The following UGT1A3 variants were observed in gnomAD, a reference collection of about 807,000 sequenced individuals.
UGT1A3 encodes the protein UDP-glucuronosyltransferase 1A3.
Under a neutral mutation model 41.0 loss-of-function variants are expected in UGT1A3, and 31 were observed. The ratio of observed to expected loss-of-function variants is 0.76; its 90% CI spans 0.57 to 1.02. The LOEUF (loss-of-function observed/expected upper bound fraction) is 1.02, where lower values mean the gene tolerates loss of function less well. UGT1A3 is among the 50% of genes least tolerant of loss of function. The pLI is 0.00. For missense variants in UGT1A3, 737 were observed against 671.0 expected, an observed-to-expected ratio of 1.10 and a Z score of -1.09; for synonymous variants, 262 against 257.6, an observed-to-expected ratio of 1.02 and a Z score of -0.17.
chr2:233,762,588 C>T lies in UGT1A3; in HGVS notation c.868-4446C>T, dbSNP rs557401720. On this transcript the variant is annotated intron_variant, in intron 1 of 4. Coordinates refer to ENST00000482026, the MANE Select transcript of UGT1A3 (RefSeq NM_019093.4). ...TCTAGTTCCCCACAGAGGAACATTA[C>T]AATTTGTATTCCAGGAGTTTTGTTG... is the stretch of plus-strand genomic sequence containing the variant. Among the ~76,000 whole-genome samples, 47 of 152,302 alleles carry T rather than the reference C, an allele frequency of 3.1e-4. No individual in the cohort carries two copies. In the Middle Eastern group the frequency reaches 0.014, roughly 44 times the overall value.
intron 1 of UGT1A3, among the ~76,000 whole-genome samples, chr2:233,745,386 T>C (rs765197385): frequency 3.3e-5 from 5 of 151,842 alleles, no homozygotes; most frequent in Non-Finnish European, 7.4e-5. Flanking sequence ...TTCACCTCCT[T>C]ATTCTCTTTT....
At chr2:233,761,149 C>G (rs1575779799) in intron 1 of UGT1A3, 1 of 1,614,176 alleles carries the variant, frequency 6.2e-7, no homozygotes, top group East Asian at 2.2e-5. Context: ...TCCACTATCC[C>G]AGGTGTGTAT....
At chr2:233,735,331 C>A (rs2078638880) in intron 1 of UGT1A3, among the ~76,000 whole-genome samples, 1 of 152,064 alleles carries the variant, frequency 6.6e-6, no homozygotes, top group Non-Finnish European at 1.5e-5. Context: ...AGGATTGCAA[C>A]CCCTGCTTTT....
chr2:233,772,899 G>A lies in UGT1A3; in HGVS notation c.*340G>A, dbSNP rs1167184820. 6 of 428,920 alleles carry A rather than the reference G, an allele frequency of 1.4e-5. No homozygotes were observed. The highest frequency in any genetic ancestry group is 8.2e-5 in the African/African-American group (4 of 48,988). 26.6% of individuals were successfully genotyped at this position (428,920 alleles called of 1,614,324 possible). ...TGCGGGATTCAAAGGTGGTCCCACG[G>A]CTGCCCCTACTGCAAATGGCAGTTT... is the stretch of plus-strand genomic sequence containing the variant. On this transcript the variant is annotated 3_prime_UTR_variant, in exon 5 of 5. Coordinates refer to ENST00000482026, the MANE Select transcript of UGT1A3 (RefSeq NM_019093.4).
rs1456497728 is a variant in UGT1A3 at position 233,729,432 on chromosome 2, AAC to A, written c.308_309del (p.Thr103ArgfsTer23). ...TGGGCCACACTCAACTGTACTTTGA[AAC>A]AGAACATTTTCTGAAGAAATTTTTC... The part of the protein sequence containing the change: ...VLGHTQLYFE[T>X]EHFLKKFFRS... On this transcript the variant is annotated frameshift_variant, in exon 1 of 5. Coordinates refer to ENST00000482026, the MANE Select transcript of UGT1A3 (RefSeq NM_019093.4). LOFTEE classifies it high-confidence loss of function. 6.2e-7 allele frequency: 1 copy of A among 1,613,916 alleles called. No individual in the cohort carries two copies. Among genetic ancestry groups the A allele is most frequent in the East Asian group, 2.2e-5 (1 of 44,888 alleles).
intron 4 of UGT1A3, 143 bp downstream of exon 4, chr2:233,768,582 CTTTTTTTTTTTTT>C (rs139595073): frequency 1.1e-5 from 11 of 1,033,176 alleles, no homozygotes; most frequent in Non-Finnish European, 9.8e-6. Context: ...TTTATTTCTT[CTTTTTTTTTTTTT>C]TTTTTTTTTG....
intron 1 of UGT1A3, chr2:233,747,358 G>A (rs1172361388): frequency 8.7e-6 from 14 of 1,603,108 alleles, no homozygotes; most frequent in Middle Eastern, 1.7e-4. Flanking sequence ...GAGGCCGTGC[G>A]GGAGCTCCAT....
chr2:233,741,352 A>G (rs1236663413), intron 1 of UGT1A3, among the ~76,000 whole-genome samples: 1 of 151,742 alleles, frequency 6.6e-6, no homozygotes, highest in African/African-American at 2.4e-5. Context: ...TCCAACACAC[A>G]AAACCACAAT....
In UGT1A3 at chr2:233,729,266, T is replaced by A. The variant is rs6431625; in HGVS notation, c.140T>A (p.Val47Asp). The A allele has an allele frequency of 1.2e-6, 2 of 1,613,820 alleles. No homozygotes were observed. The highest frequency in any genetic ancestry group is 4.5e-5 in the East Asian group (2 of 44,882). The change falls in exon 1 of 5, where the codon GTC becomes GAC. Residue 47 changes from valine (V) to aspartate (D), a missense_variant. Transcript: ENST00000482026. ...DGSHWLSMRE[V>D]LRELHARGHQ... The stretch of plus-strand genomic sequence containing the variant: ...AGCCACTGGCTCAGCATGCGGGAGG[T>A]CTTGCGGGAGCTCCATGCCAGAGGC...
chr2:233,768,319 G>T lies in UGT1A3; in HGVS notation c.1187G>T (p.Gly396Val), dbSNP rs367897068. 5.0e-6 allele frequency: 8 copies of T among 1,614,044 alleles called. No homozygotes were observed. Among genetic ancestry groups the T allele is most frequent in the South Asian group, 1.1e-5 (1 of 91,084 alleles). The change falls in exon 4 of 5, where the codon GGT becomes GTT. Residue 396 changes from glycine to valine, a missense_variant. Gly to Val is a moderately radical substitution (Grantham distance 109, BLOSUM62 -3). Transcript: ENST00000482026. The stretch of plus-strand genomic sequence containing the variant: ...CCCATGGTGATGATGCCCTTGTTTG[G>T]TGATCAGATGGACAATGCAAAGCGC... ...GVPMVMMPLFGDQMDNAKRME... is the reference protein window; with the variant it reads ...GVPMVMMPLFVDQMDNAKRME...
Position 233,742,959 on chromosome 2 carries a change from T to C in UGT1A3, c.867+12966T>C, listed in dbSNP as rs191993803. ...TCCTACCACTAGCAAATAATCATTG[T>C]CTGCCTCAGGCTTAAGTTTAATAAA... is the stretch of plus-strand genomic sequence containing the variant. On this transcript the variant is annotated intron_variant, in intron 1 of 4. Coordinates refer to ENST00000482026, the MANE Select transcript of UGT1A3 (RefSeq NM_019093.4). 2.6e-4 allele frequency: 57 copies of C among 217,402 alleles called. No individual in the cohort carries two copies. In the East Asian group the frequency reaches 5.8e-3, roughly 22 times the overall value. The allele number at this position is 217,402 out of a possible 1,614,324, so 13.5% of individuals were successfully genotyped here.
chr2:233,768,568 G>A, intron 4 of UGT1A3, 129 bp downstream of exon 4: 1 of 1,402,764 alleles, frequency 7.1e-7, no homozygotes, highest in Non-Finnish European at 9.3e-7. Context: ...TAAAAATCTG[G>A]ATTTTTATTT....
In UGT1A3 at chr2:233,741,861, A is replaced by T. The variant is rs1406457842; in HGVS notation, c.867+11868A>T. On this transcript the variant is annotated intron_variant, in intron 1 of 4. Transcript: ENST00000482026. ...GCCTTTTGCTCTCATGCCTTATGCA[A>T]ACCTTTCCTCAGAGGTGACCCTAGA... The T allele has an allele frequency of 2.6e-5, 4 of 151,886 alleles. No individual in the cohort carries two copies. The East Asian group carries it at 7.7e-4, about 29-fold the overall frequency. The allele number at this position is 151,886 out of a possible 1,614,324, so 9.4% of individuals were successfully genotyped here.
chr2:233,760,182 T>C lies in UGT1A3; in HGVS notation c.868-6852T>C, dbSNP rs34547608. The C allele has an allele frequency of 4.0e-3, 6,144 of 1,550,378 alleles. 201 individuals are homozygous for C. The African/African-American group carries it at 0.074, about 19-fold the overall frequency. Reference sequence around the variant, plus strand: ...ACCTTTGTGGACTGACAGCTTTTTATAGTCACGTGACACAGTCAAACATTA... The same window carrying C: ...ACCTTTGTGGACTGACAGCTTTTTACAGTCACGTGACACAGTCAAACATTA... On this transcript the variant is annotated intron_variant, in intron 1 of 4. Transcript: ENST00000482026.
At position 233,767,873 on chromosome 2, in the gene UGT1A3, C is replaced by T. The variant is rs72551349; in HGVS notation, c.1024C>T (p.Arg342Ter). 2.0e-5 allele frequency: 32 copies of T among 1,614,038 alleles called. No homozygotes were observed. Among genetic ancestry groups the T allele is most frequent in the South Asian group, 1.5e-4 (14 of 91,082 alleles). The change falls in exon 3 of 5, where the codon CGA becomes TGA. Residue 342 changes from arginine (R) to a stop codon, truncating the protein, a stop_gained. Transcript: ENST00000482026. LOFTEE classifies it high-confidence loss of function. Reference sequence around the variant, plus strand: ...GGTCCTGTGGCGGTACACTGGAACCCGACCATCGAATCTTGCGAACAACAC... The same window carrying T: ...GGTCCTGTGGCGGTACACTGGAACCTGACCATCGAATCTTGCGAACAACAC... ...QTVLWRYTGT[R>*]PSNLANNTIL...
At chr2:233,744,493 T>G (rs1190368915) in intron 1 of UGT1A3, among the ~76,000 whole-genome samples, 2 of 152,058 alleles carry the variant, frequency 1.3e-5, no homozygotes, top group Admixed American at 1.3e-4. Context: ...GGCAATTTAG[T>G]AAGAATAAAC....
chr2:233,729,284 C>T lies in UGT1A3; in HGVS notation c.158C>T (p.Ala53Val). ...SMREVLRELH[A>V]RGHQAVVLTP... ...CGGGAGGTCTTGCGGGAGCTCCATG[C>T]CAGAGGCCACCAGGCAGTGGTCCTC... Residue 53 changes from alanine to valine, a missense_variant, in exon 1 of 5, where the codon GCC becomes GTC. By Grantham distance (64) the Ala-to-Val change is moderately conservative (BLOSUM62 0). Coordinates refer to ENST00000482026, the MANE Select transcript of UGT1A3 (RefSeq NM_019093.4). 6.2e-7 allele frequency: 1 copy of T among 1,614,206 alleles called. No homozygotes were observed. Among genetic ancestry groups the T allele is most frequent in the Non-Finnish European group, 8.5e-7 (1 of 1,180,024 alleles).
At chr2:233,767,602 A>G (rs1699426979) in intron 2 of UGT1A3, among the ~76,000 whole-genome samples, 1 of 152,192 alleles carries the variant, frequency 6.6e-6, no homozygotes, top group Non-Finnish European at 1.5e-5. Flanking sequence ...AGGAAAGTGA[A>G]AAAATCCTAA....
In UGT1A3 at chr2:233,729,477, GA is replaced by G; in HGVS notation, c.353del (p.Asn118ThrfsTer20). 1.2e-6 allele frequency: 2 copies of G among 1,614,194 alleles called. No individual in the cohort carries two copies. The highest frequency in any genetic ancestry group is 1.6e-4 in the Middle Eastern group (1 of 6,062). ...AATTTTTCAGAAGTATGGCAATGTT[GA>G]ACAATATGTCTTTGGTCTATCATAG... ...KKFFRSMAML[N>X]NMSLVYHRSC... On this transcript the variant is annotated frameshift_variant, in exon 1 of 5. Transcript: ENST00000482026. LOFTEE classifies it high-confidence loss of function.
Sources: allele counts gnomAD v4.1 joint callset (sites outside exome capture counted in the v4.1 genomes callset), GRCh38; gene constraint gnomAD v4.1.1; transcripts MANE v1.5; gene names NCBI Gene and HGNC (gene_info 2026-07-23, HGNC 2026-07-21).